UGT2B11: variants seen among roughly 807,000 people sequenced by gnomAD.
The protein encoded by UGT2B11 is UDP glucuronosyltransferase family 2 member B11, also known as UDP-glucuronosyltransferase 2B11.
In UGT2B11, 49 loss-of-function variants were observed where a neutral mutation model predicts 51.7. The observed-to-expected ratio is 0.95, with a 90% confidence interval of 0.75 to 1.20. The LOEUF is 1.20. UGT2B11 is among the 50% of genes most tolerant of loss of function. The pLI is 0.00. For synonymous variants in UGT2B11, 273 were observed against 209.0 expected, an observed-to-expected ratio of 1.31 and a Z score of -2.64; for missense variants, 810 against 622.1, an observed-to-expected ratio of 1.30 and a Z score of -3.21.
the UGT2B11 span, among the ~76,000 whole-genome samples, chr4:69,221,920 G>A: frequency 6.6e-6 from 1 of 152,384 alleles, no homozygotes; most frequent in South Asian, 2.1e-4. Context: ...ATCCTCTGGG[G>A]CAGTGCACCA....
chr4:69,218,497 A>C (rs1203118474), upstream of UGT2B11, among the ~76,000 whole-genome samples: 1 of 150,342 alleles, frequency 6.7e-6, no homozygotes, highest in Non-Finnish European at 1.5e-5. Flanking sequence ...TGACCACAAT[A>C]GAGGCAAATG....
At chr4:69,201,836 TATAC>T (rs1296995915) in intron 5 of UGT2B11, among the ~76,000 whole-genome samples, 1 of 151,822 alleles carries the variant, frequency 6.6e-6, no homozygotes, top group African/African-American at 2.4e-5. Context: ...AAAAGATAAA[TATAC>T]ATACACTAAG....
chr4:69,200,579 G>T lies in UGT2B11; in HGVS notation c.1451C>A (p.Thr484Asn). The T allele has an allele frequency of 6.2e-7, 1 of 1,612,446 alleles. No individual in the cohort carries two copies. Among genetic ancestry groups the T allele is most frequent in the Non-Finnish European group, 8.5e-7 (1 of 1,179,034 alleles). The change falls in exon 6 of 6, where the codon ACC (threonine) becomes AAC (asparagine). Residue 484 changes from threonine to asparagine, a missense_variant. Physicochemically the swap from Thr to Asn is moderately conservative, Grantham distance 65. Coordinates refer to ENST00000446444, the MANE Select transcript of UGT2B11 (RefSeq NM_001073.3). The part of the protein sequence containing the change: ...KHLRVAAHDL[T>N]WFQYHSLDVI... ...ATCCAAAGAGTGGTACTGGAACCAG[G>T]TGAGGTCATGGGCTGCAACTCGAAG... is the stretch of plus-strand genomic sequence containing the variant.
At chr4:69,220,187 A>T in the UGT2B11 span, among the ~76,000 whole-genome samples, 1 of 152,230 alleles carries the variant, frequency 6.6e-6, no homozygotes. Context: ...TGCCAAAATG[A>T]TCTTCTTTGA....
chr4:69,209,074 A>G (rs1415579984), intron 2 of UGT2B11, among the ~76,000 whole-genome samples: 3 of 150,484 alleles, frequency 2.0e-5, no homozygotes, highest in African/African-American at 7.4e-5. Flanking sequence ...TTTTCAAAAA[A>G]TAAAAAATGA....
At chr4:69,222,973 G>A in the UGT2B11 span, among the ~76,000 whole-genome samples, 5 of 152,284 alleles carry the variant, frequency 3.3e-5, no homozygotes, top group South Asian at 1.0e-3. Context: ...TGAGTATGGA[G>A]GCAATTGTGG....
At chr4:69,221,488 C>A in the UGT2B11 span, among the ~76,000 whole-genome samples, 5 of 152,170 alleles carry the variant, frequency 3.3e-5, no homozygotes, top group East Asian at 9.6e-4. Context: ...AAGTTGATTT[C>A]TTCTTCAAGT....
chr4:69,222,573 GCTAAAGTAC>G, the UGT2B11 span, among the ~76,000 whole-genome samples: 1 of 152,148 alleles, frequency 6.6e-6, no homozygotes, highest in African/African-American at 2.4e-5. Context: ...CATTTAGCTG[GCTAAAGTAC>G]CATAGATCCC....
At position 69,201,874 on chromosome 4, in the gene UGT2B11, C is replaced by T. The variant is rs1197333429; in HGVS notation, c.1311-1155G>A. 2.0e-5 allele frequency among the ~76,000 whole-genome samples: 3 copies of T among 151,748 alleles called. 1 individual carries two copies. The South Asian group carries it at 6.2e-4, about 31-fold the overall frequency. On this transcript the variant is annotated intron_variant, in intron 5 of 5. Transcript: ENST00000446444. ...AGTGAATAGTTCAAAAATGGAAGAT[C>T]ATCTTGAACATTATCTTGAGATGAA... is the stretch of plus-strand genomic sequence containing the variant.
the UGT2B11 span, among the ~76,000 whole-genome samples, chr4:69,223,608 A>G: frequency 6.6e-6 from 1 of 152,166 alleles, no homozygotes; most frequent in Non-Finnish European, 1.5e-5. Flanking sequence ...CTAAGGCCCA[A>G]TTTACGTGGG....
rs757599089 is a variant in UGT2B11, at chr4:69,204,467, G to A, written c.1273C>T (p.Leu425=). The change falls in exon 5 of 6, where the codon CTG becomes TTG. Residue 425 remains leucine, a synonymous_variant. Transcript: ENST00000446444. ...LDFNTMSSTD[L]LNALKTVIND... ...ATTACTGTCTTCAGTGCATTCAGCA[G>A]GTCTGTACTCGACATTGTGTTGAAG... 6.8e-6 allele frequency: 11 copies of A among 1,611,862 alleles called. No homozygotes were observed. The highest frequency in any genetic ancestry group is 8.5e-6 in the Non-Finnish European group (10 of 1,178,652).
chr4:69,205,454 C>T, intron 4 of UGT2B11, 26 bp downstream of exon 4: 1 of 1,602,892 alleles, frequency 6.2e-7, no homozygotes, highest in Non-Finnish European at 8.5e-7. Flanking sequence ...ACTAATATAT[C>T]CAGTATTTGT....
At chr4:69,212,013 C>G (rs1465256934) in intron 2 of UGT2B11, among the ~76,000 whole-genome samples, 3 of 151,400 alleles carry the variant, frequency 2.0e-5, no homozygotes, top group East Asian at 1.9e-4. Context: ...TTGTCTGCCC[C>G]TCCCCTTCAT....
At chr4:69,217,752 C>A (rs1439465043), upstream of UGT2B11, among the ~76,000 whole-genome samples, 3 of 152,086 alleles carry the variant, frequency 2.0e-5, no homozygotes, top group African/African-American at 7.2e-5. Flanking sequence ...CATGTCTCAG[C>A]ATGCTCAGGG....
intron 2 of UGT2B11, among the ~76,000 whole-genome samples, chr4:69,208,725 G>A (rs1721950564): frequency 6.6e-6 from 1 of 151,582 alleles, no homozygotes. Flanking sequence ...TGTGTGTAAT[G>A]GAGGAAAGAA....
At chr4:69,221,724 T>C in the UGT2B11 span, among the ~76,000 whole-genome samples, 3 of 152,292 alleles carry the variant, frequency 2.0e-5, no homozygotes, top group South Asian at 2.1e-4. Flanking sequence ...GACAGTCATC[T>C]GGGGCAAGAG....
chr4:69,206,611 C>G, intron 3 of UGT2B11, among the ~76,000 whole-genome samples: 1 of 151,346 alleles, frequency 6.6e-6, no homozygotes, highest in East Asian at 2.0e-4. Flanking sequence ...TGCACATGTA[C>G]TCCTGAACTT....
At chr4:69,220,415 C>G in the UGT2B11 span, among the ~76,000 whole-genome samples, 5 of 151,588 alleles carry the variant, frequency 3.3e-5, no homozygotes, top group Non-Finnish European at 4.4e-5. Context: ...CACGGCTCCA[C>G]TGGGTAGTGC....
At chr4:69,218,911 C>T (rs1174476136), upstream of UGT2B11, among the ~76,000 whole-genome samples, 5 of 152,118 alleles carry the variant, frequency 3.3e-5, no homozygotes, top group African/African-American at 1.2e-4. Context: ...TCCACATGTC[C>T]TTGAAGGTAT....
Sources: gnomAD v4.1 joint callset for allele counts (sites outside exome capture counted in the v4.1 genomes callset) on GRCh38, gnomAD v4.1.1 for gene constraint, MANE v1.5 for transcripts, NCBI Gene and HGNC (gene_info 2026-07-23, HGNC 2026-07-21) for gene names.